Variants in SLC6A17 observed in about 807,000 individuals in gnomAD.
SLC6A17 encodes the protein sodium-dependent neutral amino acid transporter SLC6A17.
A neutral mutation model predicts 64.5 loss-of-function variants in SLC6A17; 21 were observed. That is an observed-to-expected ratio of 0.33 (90% CI 0.23 to 0.47). The LOEUF (loss-of-function observed/expected upper bound fraction) is 0.47. SLC6A17 is among the 20% of genes least tolerant of loss of function. The probability of loss-of-function intolerance (pLI) is 1.00; values close to 1 mark genes in which losing one functional copy is unlikely to be tolerated. For synonymous variants in SLC6A17, 372 were observed against 399.5 expected (o/e 0.93, Z 0.82); for missense variants, 682 against 963.2 (o/e 0.71, Z 3.86).
chr1:110,194,114 A>C (rs1016953078), intron 8 of SLC6A17, among the ~76,000 whole-genome samples: 3 of 152,218 alleles, frequency 2.0e-5, no homozygotes, highest in Non-Finnish European at 4.4e-5. Flanking sequence ...CCGTGGGGTG[A>C]GACCCAGGTG....
intron 1 of SLC6A17, among the ~76,000 whole-genome samples, chr1:110,164,729 A>G (rs1360124937): frequency 6.6e-6 from 1 of 152,202 alleles, no homozygotes; most frequent in African/African-American, 2.4e-5. Flanking sequence ...CTGCTTTACC[A>G]GAATGTCCTG....
intron 2 of SLC6A17, 56 bp downstream of exon 2, chr1:110,167,271 G>C: frequency 6.4e-7 from 1 of 1,554,188 alleles, no homozygotes; most frequent in Non-Finnish European, 8.7e-7. Context: ...CGGGGATGAG[G>C]GGTAAAAAAG....
At chr1:110,159,859 G>T (rs1468151907) in intron 1 of SLC6A17, among the ~76,000 whole-genome samples, 2 of 152,138 alleles carry the variant, frequency 1.3e-5, no homozygotes, top group Non-Finnish European at 2.9e-5. Context: ...GAACTTTGGG[G>T]TGTTCAAAAA....
At chr1:110,194,139 G>T (rs747509861) in intron 8 of SLC6A17, among the ~76,000 whole-genome samples, 9 of 152,218 alleles carry the variant, frequency 5.9e-5, no homozygotes, top group African/African-American at 1.4e-4. Flanking sequence ...TGTTTCTAAA[G>T]GCTCCGGTGT....
rs567596363 is a variant in SLC6A17 at position 110,199,398 on chromosome 1, C to T, written c.*954C>T. The T allele has an allele frequency of 1.3e-5, 2 of 152,526 alleles. No individual in the cohort carries two copies. The highest frequency in any genetic ancestry group is 3.9e-4 in the East Asian group (2 of 5,182). 9.4% of individuals were successfully genotyped at this position (152,526 alleles called of 1,614,324 possible). A position where few individuals can be genotyped will look rare whatever the true frequency, so the allele number is the denominator to read the frequency against. On this transcript the variant is annotated 3_prime_UTR_variant, in exon 12 of 12. Coordinates refer to ENST00000331565, the MANE Select transcript of SLC6A17 (RefSeq NM_001010898.4). ...GAGCACAATGGTGAAGCACACTCCC[C>T]TCCCTCCTCACCTGGGGTCCAATGT...
chr1:110,197,910 C>T (rs1474595917), intron 11 of SLC6A17, among the ~76,000 whole-genome samples, 166 bp from the exon 12 acceptor site: 3 of 152,208 alleles, frequency 2.0e-5, no homozygotes, highest in Non-Finnish European at 2.9e-5. Context: ...GACCCTTTCA[C>T]CAAGGTGACC....
intron 6 of SLC6A17, among the ~76,000 whole-genome samples, chr1:110,189,749 C>T (rs905075303): frequency 7.9e-5 from 12 of 152,170 alleles, no homozygotes; most frequent in Admixed American, 2.6e-4. Flanking sequence ...ATCCTCTGTC[C>T]TATCTCAGGA....
intron 1 of SLC6A17, among the ~76,000 whole-genome samples, chr1:110,151,542 G>C (rs621226): frequency 0.89 from 135,907 of 152,298 alleles, 60,932 homozygotes; most frequent in African/African-American, 0.97. Flanking sequence ...CCGTCCTGGC[G>C]GGTCGAGAGG....
At chr1:110,191,686 G>A (rs1402322602) in intron 6 of SLC6A17, among the ~76,000 whole-genome samples, 1 of 152,182 alleles carries the variant, frequency 6.6e-6, no homozygotes, top group Non-Finnish European at 1.5e-5. Flanking sequence ...TATGATGGCT[G>A]CATGGGAAGC....
At position 110,194,762 on chromosome 1, in the gene SLC6A17, A is replaced by G. The variant is rs1285837692; in HGVS notation, c.1483A>G (p.Met495Val). The change falls in exon 9 of 12, where the codon ATG becomes GTG. Residue 495 changes from methionine (M) to valine (V), a missense_variant. Met to Val is a conservative substitution (Grantham distance 21, BLOSUM62 1). This residue lies in a region of SLC6A17 where 264 missense variants were observed against 339.5 expected (regional missense o/e 0.78). Transcript: ENST00000331565. ...IIDTFKVPKE[M>V]FTVGCCVFAF... ...CGACACCTTCAAGGTGCCCAAGGAG[A>G]TGTTCACAGGTAACTCCTCCCTGCC... The G allele has an allele frequency of 2.5e-6, 4 of 1,613,358 alleles. No individual in the cohort carries two copies. The highest frequency in any genetic ancestry group is 3.3e-5 in the Admixed American group (2 of 60,020).
intron 6 of SLC6A17, among the ~76,000 whole-genome samples, chr1:110,186,952 A>T (rs1228505016): frequency 1.3e-5 from 2 of 152,260 alleles, no homozygotes; most frequent in Non-Finnish European, 2.9e-5. Context: ...GGAAAAAATT[A>T]CAGCCTAGGC....
chr1:110,199,698 A>C lies in SLC6A17; in HGVS notation c.*1254A>C. On this transcript the variant is annotated 3_prime_UTR_variant, in exon 12 of 12. Coordinates refer to ENST00000331565, the MANE Select transcript of SLC6A17 (RefSeq NM_001010898.4). ...CCAAAGGCAAGGGCTGGTCTTCAGGATGGAGGCCAGCCTGTGCAGAAGGCT... is the reference window on the plus strand; with the variant it reads ...CCAAAGGCAAGGGCTGGTCTTCAGGCTGGAGGCCAGCCTGTGCAGAAGGCT... The C allele has an allele frequency of 2.9e-6, 1 of 342,928 alleles. No homozygotes were observed. The highest frequency in any genetic ancestry group is 4.4e-5 in the East Asian group (1 of 22,902). The allele number at this position is 342,928 out of a possible 1,614,324, so 21.2% of individuals were successfully genotyped here.
rs1656945217 is a variant in SLC6A17 at position 110,195,734 on chromosome 1, T to C, written c.1641T>C (p.Tyr547=). The change falls in exon 10 of 12, where the codon TAT becomes TAC. Residue 547 remains tyrosine (Y), a synonymous_variant. Transcript: ENST00000331565. ...AGAACATCGCTGTGGCCTGGATTTA[T>C]GGAACCAAGAAGTAAGAGGAACATG... The part of the protein sequence containing the change: ...ILENIAVAWI[Y]GTKKFMQELT... The C allele has an allele frequency of 1.9e-6, 3 of 1,614,026 alleles. No homozygotes were observed. Among genetic ancestry groups the C allele is most frequent in the Non-Finnish European group, 1.7e-6 (2 of 1,180,018 alleles).
intron 3 of SLC6A17, 43 bp downstream of exon 3, chr1:110,172,260 G>A: frequency 6.5e-7 from 1 of 1,539,926 alleles, no homozygotes; most frequent in Non-Finnish European, 8.7e-7. Context: ...GAGGCAGGGG[G>A]CTGCTCCTGG....
chr1:110,159,166 G>A (rs1381090680), intron 1 of SLC6A17, among the ~76,000 whole-genome samples: 1 of 152,180 alleles, frequency 6.6e-6, no homozygotes, highest in African/African-American at 2.4e-5. Context: ...TGGCCTATGT[G>A]CTGTGTTGTC....
intron 1 of SLC6A17, among the ~76,000 whole-genome samples, chr1:110,157,936 C>T (rs1012756057): frequency 4.6e-5 from 7 of 152,158 alleles, no homozygotes; most frequent in Admixed American, 2.0e-4. Flanking sequence ...GTCACCTTAT[C>T]GGAGCATACG....
At position 110,176,665 on chromosome 1, in the gene SLC6A17, C is replaced by T. The variant is rs1656383189; in HGVS notation, c.790C>T (p.Leu264=). ...YFSSLFPYVV[L]ACFLVRGLLL... ...CAGCTCCCTCTTCCCCTACGTGGTG[C>T]TGGCCTGCTTCCTGGTCCGGGGGCT... Residue 264 remains leucine (L), a synonymous_variant, in exon 6 of 12, where the codon CTG becomes TTG. Coordinates refer to ENST00000331565, the MANE Select transcript of SLC6A17 (RefSeq NM_001010898.4). 1 of 1,614,120 alleles carries T rather than the reference C, an allele frequency of 6.2e-7. No individual in the cohort carries two copies. The highest frequency in any genetic ancestry group is 1.3e-5 in the African/African-American group (1 of 75,038).
rs548718342 is a variant in SLC6A17 at position 110,180,681 on chromosome 1, T to C, written c.864+3942T>C. Among the ~76,000 whole-genome samples the C allele has an allele frequency of 3.9e-5, 6 of 152,260 alleles. No individual in the cohort carries two copies. The South Asian group carries it at 1.2e-3, about 32-fold the overall frequency. On this transcript the variant is annotated intron_variant, in intron 6 of 11. Transcript: ENST00000331565. ...AGGATTGGGGAGATATGAGGGGTCC[T>C]AGGAGCCATTTCAAGTTCTTGCCCT...
At chr1:110,175,812 T>C (rs1304205926) in intron 5 of SLC6A17, among the ~76,000 whole-genome samples, 1 of 152,238 alleles carries the variant, frequency 6.6e-6, no homozygotes, top group East Asian at 1.9e-4. Flanking sequence ...AGCTGATGCT[T>C]TGTGGCACTT....
Sources: gnomAD v4.1 joint callset for allele counts (sites outside exome capture counted in the v4.1 genomes callset) on GRCh38, gnomAD v4.1.1 for gene constraint, gnomAD v4.1.1 regional missense constraint, MANE v1.5 for transcripts, NCBI Gene and HGNC (gene_info 2026-07-23, HGNC 2026-07-21) for gene names.